NLRC4: variants seen among roughly 807,000 people sequenced by gnomAD.
NLRC4 encodes the protein NLR family CARD domain-containing protein 4.
NLRC4 carries 63 observed loss-of-function variants against 79.9 expected under a neutral mutation model. The observed-to-expected ratio is 0.79, with a 90% CI of 0.64 to 0.97. The LOEUF (loss-of-function observed/expected upper bound fraction) is 0.97, where lower values mean the gene tolerates loss of function less well. Among genes scored for constraint, NLRC4 ranks in the 50% least tolerant of loss-of-function variants. NLRC4 has a pLI of 0.00. For missense variants in NLRC4, 1,074 were observed against 1,215.2 expected (o/e 0.88, Z 1.73); for synonymous variants, 461 against 456.5 (o/e 1.01, Z -0.12).
Position 32,250,140 on chromosome 2 carries a change from A to C in NLRC4, c.1724T>G (p.Phe575Cys). The change falls in exon 4 of 9, where the codon TTT (phenylalanine) becomes TGT (cysteine). Residue 575 changes from phenylalanine (F) to cysteine (C), a missense_variant. By Grantham distance (205) the Phe-to-Cys change is radical. Transcript: ENST00000402280. The surrounding 1 kb of genome is among the most constrained non-coding windows in gnomAD (Gnocchi z 4.9). ...STSKSALSQEFEAFFQGKSLY... is the reference protein window; with the variant it reads ...STSKSALSQECEAFFQGKSLY... Reference sequence around the variant, plus strand: ...GCTTTTACCTTGAAAGAAAGCTTCAAATTCTTGGCTCAGGGCTGATTTGGA... The same window carrying C: ...GCTTTTACCTTGAAAGAAAGCTTCACATTCTTGGCTCAGGGCTGATTTGGA... The C allele has an allele frequency of 6.2e-7, 1 of 1,614,148 alleles. No individual in the cohort carries two copies. The highest frequency in any genetic ancestry group is 8.5e-7 in the Non-Finnish European group (1 of 1,180,016).
rs565573487 is a variant in NLRC4, at chr2:32,250,701, C to T, written c.1163G>A (p.Arg388Gln). ...TAGGTCTCCACAGTGGTCCAGGCTC[C>T]GAATGAAGTCACTTGCAGCCACACC... Reference protein sequence around the residue: ...HKGVAASDFIRSLDHCGDLAL... With the variant: ...HKGVAASDFIQSLDHCGDLAL... The change falls in exon 4 of 9, where the codon CGG becomes CAG. Residue 388 changes from arginine to glutamine, a missense_variant. By Grantham distance (43) the Arg-to-Gln change is conservative (BLOSUM62 1). Transcript: ENST00000402280. The surrounding 1 kb of genome is among the most constrained non-coding windows in gnomAD (Gnocchi z 4.9). 1.2e-4 allele frequency: 199 copies of T among 1,614,134 alleles called. No homozygotes were observed. Among genetic ancestry groups the T allele is most frequent in the Middle Eastern group, 3.3e-4 (2 of 6,062 alleles).
chr2:32,258,971 G>T (rs1687272894), intron 1 of NLRC4, among the ~76,000 whole-genome samples: 1 of 152,190 alleles, frequency 6.6e-6, no homozygotes, highest in Admixed American at 6.5e-5. Flanking sequence ...GTGGGGAAGA[G>T]AACTAGAATC....
Position 32,242,729 on chromosome 2 carries a change from T to C in NLRC4, c.2258-1604A>G, listed in dbSNP as rs986785995. Among the ~76,000 whole-genome samples, 5 of 152,180 alleles carry C rather than the reference T, an allele frequency of 3.3e-5. No individual in the cohort carries two copies. In the East Asian group the frequency reaches 9.6e-4, roughly 29 times the overall value. ...TTATGAAGCCATCATTAACTTGATA[T>C]GAAAACCAGAAAAAGACGTAGAAGA... On this transcript the variant is annotated intron_variant, in intron 4 of 8. Transcript: ENST00000402280.
intron 1 of NLRC4, among the ~76,000 whole-genome samples, chr2:32,261,329 T>TTTTTTTTTTTTTTTTTTTTTTTTTTTTG (rs1230263597): frequency 8.4e-6 from 1 of 119,202 alleles, no homozygotes; most frequent in Non-Finnish European, 1.8e-5. Context: ...TTGTTTTTTT[T>TTTTTTTTTTTTTTTTTTTTTTTTTTTTG]TGAGATGGAG....
intron 8 of NLRC4, among the ~76,000 whole-genome samples, chr2:32,228,414 C>T (rs986009004): frequency 6.6e-6 from 1 of 152,152 alleles, no homozygotes; most frequent in Admixed American, 6.5e-5. Context: ...TTCACCGCCT[C>T]CCTTAGACAC....
At chr2:32,235,282 T>C (rs1338019844) in intron 8 of NLRC4, 119 bp downstream of exon 8, 1 of 725,488 alleles carries the variant, frequency 1.4e-6, no homozygotes, top group African/African-American at 1.8e-5. Flanking sequence ...ATTAGACATA[T>C]TTATATTTTA....
rs769709902 is a variant in NLRC4, at chr2:32,251,019, T to C, written c.845A>G (p.Glu282Gly). The change falls in exon 4 of 9, where the codon GAG (glutamate) becomes GGG (glycine). Residue 282 changes from glutamate (E) to glycine (G), a missense_variant. Physicochemically the swap from Glu to Gly is moderately conservative, Grantham distance 98 (BLOSUM62 -2). Coordinates refer to ENST00000402280, the MANE Select transcript of NLRC4 (RefSeq NM_001199138.2). The part of the protein sequence containing the change: ...KNMVIVTTTT[E>G]CLRHIRQFGA... ...AAACTGCCGTATGTGCCTCAGGCAC[T>C]CAGTGGTAGTGGTGACGATGACCAT... 5.6e-6 allele frequency: 9 copies of C among 1,614,196 alleles called. No homozygotes were observed. In the South Asian group the frequency reaches 9.9e-5, roughly 18 times the overall value.
chr2:32,241,191 T>C (rs1322234191), intron 4 of NLRC4, 66 bp from the exon 5 acceptor site: 4 of 950,998 alleles, frequency 4.2e-6, no homozygotes, highest in Non-Finnish European at 6.6e-6. Flanking sequence ...CATTTACTAT[T>C]ACTGTCATTT....
chr2:32,257,383 G>A (rs1018618484), intron 1 of NLRC4, among the ~76,000 whole-genome samples: 6 of 152,150 alleles, frequency 3.9e-5, no homozygotes, highest in East Asian at 1.9e-4. Flanking sequence ...CGAGGCAGGC[G>A]GATCACGTGA....
intron 8 of NLRC4, among the ~76,000 whole-genome samples, chr2:32,232,453 C>G (rs1348910214): frequency 1.3e-5 from 2 of 152,150 alleles, no homozygotes; most frequent in African/African-American, 2.4e-5. Flanking sequence ...AAAGTACACC[C>G]CATCTACTAT....
intron 5 of NLRC4, 45 bp downstream of exon 5, chr2:32,240,985 CTTA>C (rs762229533): frequency 6.0e-5 from 72 of 1,196,510 alleles, no homozygotes; most frequent in Non-Finnish European, 8.9e-5. Flanking sequence ...GTTAACTCCT[CTTA>C]TTATCAAACT....
chr2:32,248,362 C>A (rs1214836221), intron 4 of NLRC4, among the ~76,000 whole-genome samples: 10 of 152,154 alleles, frequency 6.6e-5, no homozygotes, highest in Non-Finnish European at 1.5e-4. Context: ...TCATTATACT[C>A]CCTCTCTTGT....
intron 2 of NLRC4, among the ~76,000 whole-genome samples, chr2:32,256,083 T>C (rs1264019007): frequency 1.3e-5 from 2 of 152,134 alleles, no homozygotes; most frequent in Admixed American, 1.3e-4. Flanking sequence ...CTATGTTATA[T>C]CTCCTTGTAT....
At chr2:32,247,461 T>C (rs1686964607) in intron 4 of NLRC4, among the ~76,000 whole-genome samples, 1 of 151,348 alleles carries the variant, frequency 6.6e-6, no homozygotes. Context: ...ACTACAGGCA[T>C]GTGCCACCAC....
Position 32,249,854 on chromosome 2 carries a change from G to A in NLRC4, c.2010C>T (p.Ser670=). The part of the protein sequence containing the change: ...RTLEVTLRDF[S]KLNKQDIRYL... Reference sequence around the variant, plus strand: ...ATCTGATATCTTGCTTATTCAACTTGCTGAAATCCCGGAGTGTGACCTCCA... The same window carrying A: ...ATCTGATATCTTGCTTATTCAACTTACTGAAATCCCGGAGTGTGACCTCCA... Residue 670 remains serine (S), a synonymous_variant, in exon 4 of 9, where the codon AGC becomes AGT. Coordinates refer to ENST00000402280, the MANE Select transcript of NLRC4 (RefSeq NM_001199138.2). 6.2e-7 allele frequency: 1 copy of A among 1,614,172 alleles called. No individual in the cohort carries two copies. The highest frequency in any genetic ancestry group is 2.2e-5 in the East Asian group (1 of 44,886).
rs533873186 is a variant in NLRC4, at chr2:32,244,339, T to C, written c.2258-3214A>G. ...CATATAAATGGATACAGAAAACATC[T>C]TTAGCACAATCCAACACCTATTCAT... is the stretch of plus-strand genomic sequence containing the variant. On this transcript the variant is annotated intron_variant, in intron 4 of 8. Transcript: ENST00000402280. Among the ~76,000 whole-genome samples, 10 of 152,132 alleles carry C rather than the reference T, an allele frequency of 6.6e-5. No individual in the cohort carries two copies. The East Asian group carries it at 1.4e-3, about 21-fold the overall frequency.
intron 5 of NLRC4, among the ~76,000 whole-genome samples, chr2:32,239,327 T>G (rs979407720): frequency 2.6e-5 from 4 of 152,122 alleles, no homozygotes; most frequent in African/African-American, 7.2e-5. Flanking sequence ...TCTAATAATA[T>G]CAGTCTTGCA....
In NLRC4 at chr2:32,250,857, T is replaced by C; in HGVS notation, c.1007A>G (p.Lys336Arg). ...QKSRCLRNLMKTPLFVVITCA... is the reference protein window; with the variant it reads ...QKSRCLRNLMRTPLFVVITCA... The stretch of plus-strand genomic sequence containing the variant: ...AGTGATGACCACAAAGAGAGGGGTC[T>C]TCATGAGATTCCTCAAGCACCTGGA... The change falls in exon 4 of 9, where the codon AAG becomes AGG. Residue 336 changes from lysine to arginine, a missense_variant. Transcript: ENST00000402280. The surrounding 1 kb of genome is among the most constrained non-coding windows in gnomAD (Gnocchi z 4.9). 6.2e-7 allele frequency: 1 copy of C among 1,614,188 alleles called. No individual in the cohort carries two copies. Among genetic ancestry groups the C allele is most frequent in the Non-Finnish European group, 8.5e-7 (1 of 1,180,030 alleles).
intron 7 of NLRC4, 44 bp downstream of exon 7, chr2:32,236,203 A>G: frequency 3.3e-6 from 4 of 1,226,776 alleles, no homozygotes; most frequent in Non-Finnish European, 4.8e-6. Context: ...ACTACCCAGT[A>G]TACATATTCA....
Sources: gnomAD v4.1 joint callset for allele counts (sites outside exome capture counted in the v4.1 genomes callset) on GRCh38, gnomAD v4.1.1 for gene constraint, Gnocchi (gnomAD v3.1) non-coding constraint, MANE v1.5 for transcripts, NCBI Gene and HGNC (gene_info 2026-07-23, HGNC 2026-07-21) for gene names.